The following DACH2 variants were observed in gnomAD, a reference collection of about 807,000 sequenced individuals.
DACH2 encodes dachshund family transcription factor 2, also known as dachshund homolog 2.
In DACH2, 17 loss-of-function variants were observed where a neutral mutation model predicts 35.8. The observed-to-expected ratio is 0.48, with a 90% CI of 0.33 to 0.71. The LOEUF (loss-of-function observed/expected upper bound fraction) is 0.71, where lower values mean the gene tolerates loss of function less well. Ranked by LOEUF, DACH2 falls within the 30% of genes least tolerant of loss-of-function variation. The probability of loss-of-function intolerance (pLI) is 0.02; values close to 1 mark genes in which losing one functional copy is unlikely to be tolerated. For synonymous variants in DACH2, 195 were observed against 177.3 expected (o/e 1.10, Z -0.79); for missense variants, 469 against 472.7 (o/e 0.99, Z 0.07).
chrX:86,402,420 C>G (rs1382855152), intron 2 of DACH2, among the ~76,000 whole-genome samples: 1 of 111,558 alleles, frequency 9.0e-6, no homozygotes, highest in East Asian at 2.8e-4. Context: ...GGAACATGAT[C>G]CCATTTTCAG....
intron 1 of DACH2, among the ~76,000 whole-genome samples, chrX:86,227,584 T>A (rs1226093672): frequency 2.7e-5 from 3 of 110,499 alleles, no homozygotes; most frequent in African/African-American, 6.6e-5. Flanking sequence ...CCCTCGCCCA[T>A]CTTGGCATTC....
At chrX:86,202,673 G>T (rs760667091) in intron 1 of DACH2, among the ~76,000 whole-genome samples, 1 of 111,126 alleles carries the variant, frequency 9.0e-6, no homozygotes, top group South Asian at 3.8e-4. Flanking sequence ...AGAGGAAAAG[G>T]AGACCAGAGG....
chrX:86,648,605 C>T (rs2040441358), intron 3 of DACH2, among the ~76,000 whole-genome samples: 2 of 110,640 alleles, frequency 1.8e-5, no homozygotes, highest in Non-Finnish European at 3.8e-5. Flanking sequence ...AGGTGCTGTA[C>T]TGAAGACTAA....
chrX:86,296,160 A>T (rs60738851), intron 1 of DACH2, among the ~76,000 whole-genome samples: 3,403 of 107,114 alleles, frequency 0.032, 141 homozygotes, highest in African/African-American at 0.11. Flanking sequence ...CGGGCGGATC[A>T]CGAGGTCAGG....
intron 5 of DACH2, among the ~76,000 whole-genome samples, chrX:86,710,228 C>G (rs2041263744): frequency 8.9e-6 from 1 of 111,880 alleles, no homozygotes; most frequent in Admixed American, 9.5e-5. Flanking sequence ...TTGGGTGAAC[C>G]TTAAGCGGAA....
intron 5 of DACH2, among the ~76,000 whole-genome samples, chrX:86,705,013 T>C (rs745983010): frequency 2.1e-5 from 1 of 46,580 alleles, no homozygotes; most frequent in East Asian, 6.1e-4. Flanking sequence ...AATCAACAAG[T>C]GGATACAGAA....
At chrX:86,665,634 C>A (rs1396201840) in intron 4 of DACH2, among the ~76,000 whole-genome samples, 1 of 111,723 alleles carries the variant, frequency 9.0e-6, no homozygotes, top group Non-Finnish European at 1.9e-5. Context: ...AAAATCACAA[C>A]CAGCCAATCA....
chrX:86,411,828 C>T (rs1341658849), intron 2 of DACH2, among the ~76,000 whole-genome samples: 1 of 111,317 alleles, frequency 9.0e-6, no homozygotes, highest in Non-Finnish European at 1.9e-5. Flanking sequence ...CCTATATTCC[C>T]TTAGCCTTCA....
chrX:86,344,407 A>C (rs2035464845), intron 1 of DACH2, among the ~76,000 whole-genome samples: 1 of 107,745 alleles, frequency 9.3e-6, no homozygotes, highest in Admixed American at 1.0e-4. Flanking sequence ...TCCTCTTGTT[A>C]ATATCCTCTA....
intron 7 of DACH2, among the ~76,000 whole-genome samples, chrX:86,779,703 G>C (rs910080761): frequency 4.5e-5 from 5 of 111,421 alleles, no homozygotes; most frequent in African/African-American, 1.6e-4. Context: ...GGTGAAAAGT[G>C]GCCTGATTCT....
At chrX:86,765,696 TG>T (rs770488372) in intron 7 of DACH2, among the ~76,000 whole-genome samples, 1,125 of 75,287 alleles carry the variant, frequency 0.015, 35 homozygotes, top group East Asian at 0.042. Context: ...TGTTGTTTTT[TG>T]GTTTTTTTTT....
chrX:86,483,431 G>A (rs182582107), intron 2 of DACH2, among the ~76,000 whole-genome samples: 2 of 111,353 alleles, frequency 1.8e-5, no homozygotes, highest in African/African-American at 3.3e-5. Flanking sequence ...TACTGGAATG[G>A]CCTTTGTTCT....
intron 7 of DACH2, among the ~76,000 whole-genome samples, chrX:86,775,469 C>T (rs1466647148): frequency 9.0e-6 from 1 of 111,328 alleles, no homozygotes; most frequent in African/African-American, 3.3e-5. Context: ...GCTGTGGGCT[C>T]CTTACGAGAA....
chrX:86,315,102 T>C (rs67276538), intron 1 of DACH2, among the ~76,000 whole-genome samples: 1 of 111,410 alleles, frequency 9.0e-6, no homozygotes, highest in Non-Finnish European at 1.9e-5. Context: ...ACAGGCTGAC[T>C]CTTTTGTTAG....
At chrX:86,248,333 A>G (rs1305956027) in intron 1 of DACH2, among the ~76,000 whole-genome samples, 1 of 111,399 alleles carries the variant, frequency 9.0e-6, no homozygotes, top group Non-Finnish European at 1.9e-5. Context: ...CTGATAAATG[A>G]CTTCATCAGT....
At chrX:86,711,244 G>T (rs941439718) in intron 5 of DACH2, among the ~76,000 whole-genome samples, 29 of 110,938 alleles carry the variant, frequency 2.6e-4, no homozygotes, top group Admixed American at 9.6e-4. Context: ...GGGCATGGTG[G>T]CACATGCCTG....
chrX:86,455,761 C>A (rs1484539347), intron 2 of DACH2, among the ~76,000 whole-genome samples: 1 of 112,370 alleles, frequency 8.9e-6, no homozygotes, highest in African/African-American at 3.2e-5. Flanking sequence ...TCCAAGCCAG[C>A]GGATCTTAAC....
intron 4 of DACH2, among the ~76,000 whole-genome samples, chrX:86,672,893 AC>A (rs935654978): frequency 1.8e-5 from 2 of 111,713 alleles, no homozygotes; most frequent in African/African-American, 6.5e-5. Context: ...TGCATTGTGC[AC>A]CTGGAAAAGC....
rs1304364147 is a variant in DACH2 at position 86,532,734 on chromosome X, G to A, written c.640+18343G>A. Among the ~76,000 whole-genome samples, 5 of 111,298 alleles carry A rather than the reference G, an allele frequency of 4.5e-5. No individual in the cohort carries two copies. The Admixed American group carries it at 4.8e-4, about 11-fold the overall frequency. On this transcript the variant is annotated intron_variant, in intron 3 of 11. Transcript: ENST00000373125. ...TATTGAGATAATAAATTTATAGAGA[G>A]TGATTTATATAACCTTAGGTTTATT...
Sources: allele counts gnomAD v4.1 joint callset (sites outside exome capture counted in the v4.1 genomes callset), GRCh38; gene constraint gnomAD v4.1.1; transcripts MANE v1.5; gene names NCBI Gene and HGNC (gene_info 2026-07-23, HGNC 2026-07-21).